The following SBF2 variants were observed in gnomAD, a reference collection of about 807,000 sequenced individuals.
SBF2 encodes SET binding factor 2.
Under a neutral mutation model 225.2 loss-of-function variants are expected in SBF2, and 112 were observed. The observed-to-expected ratio is 0.50, with a 90% CI of 0.43 to 0.58. The LOEUF is 0.58. SBF2 is among the 20% of genes least tolerant of loss of function. The pLI is 0.00. For synonymous variants in SBF2, 763 were observed against 773.3 expected (o/e 0.99, Z 0.22); for missense variants, 1,996 against 2,206.2 (o/e 0.90, Z 1.91).
chr11:10,017,180 G>T (rs1275050137), intron 6 of SBF2, among the ~76,000 whole-genome samples: 1 of 152,052 alleles, frequency 6.6e-6, no homozygotes, highest in African/African-American at 2.4e-5. Context: ...AAATGTATTT[G>T]TTTCTTTTTT....
At position 9,989,510 on chromosome 11, in the gene SBF2, T is replaced by A; in HGVS notation, c.1382A>T (p.Gln461Leu). The A allele has an allele frequency of 6.3e-7, 1 of 1,586,480 alleles. No homozygotes were observed. Among genetic ancestry groups the A allele is most frequent in the Non-Finnish European group, 8.6e-7 (1 of 1,156,272 alleles). ...ATACTTACTTACATTTTTGAATAGT[T>A]GCTCAGCAAGTTCCCTGACATGCTT... ...MIKHVRELAE[Q>L]LFKNENPNPH... The change falls in exon 13 of 40, where the codon CAA becomes CTA. Residue 461 changes from glutamine to leucine, a missense_variant. Coordinates refer to ENST00000256190, the MANE Select transcript of SBF2 (RefSeq NM_030962.4).
intron 1 of SBF2, among the ~76,000 whole-genome samples, chr11:10,235,822 G>A (rs990911705): frequency 3.9e-5 from 6 of 152,062 alleles, no homozygotes; most frequent in Admixed American, 1.3e-4. Flanking sequence ...TTTTAAAAAT[G>A]TAGTCCAGGA....
chr11:9,924,134 T>C (rs551574880), intron 16 of SBF2, among the ~76,000 whole-genome samples: 157 of 152,356 alleles, frequency 1.0e-3, no homozygotes, highest in Non-Finnish European at 2.0e-3. Context: ...GAAATACAGA[T>C]GGTCCTAGAC....
At chr11:9,875,647 C>T (rs1859165651) in intron 17 of SBF2, among the ~76,000 whole-genome samples, 1 of 152,172 alleles carries the variant, frequency 6.6e-6, no homozygotes, top group Non-Finnish European at 1.5e-5. Context: ...GGGTGTGGAA[C>T]AAGGCAGGGT....
At chr11:10,096,965 C>T (rs1343966236) in intron 2 of SBF2, among the ~76,000 whole-genome samples, 1 of 152,126 alleles carries the variant, frequency 6.6e-6, no homozygotes, top group Non-Finnish European at 1.5e-5. Context: ...TTACACTATT[C>T]AGTCACTATG....
At chr11:10,162,739 T>C (rs1427008618) in intron 2 of SBF2, among the ~76,000 whole-genome samples, 3 of 152,098 alleles carry the variant, frequency 2.0e-5, no homozygotes, top group Non-Finnish European at 4.4e-5. Context: ...TGAACAGAAA[T>C]GGATATGCAT....
At chr11:10,064,856 T>C (rs1390282754) in intron 2 of SBF2, among the ~76,000 whole-genome samples, 1 of 152,160 alleles carries the variant, frequency 6.6e-6, no homozygotes, top group Non-Finnish European at 1.5e-5. Context: ...CCCCTCTCAA[T>C]AACAGATAGA....
chr11:10,074,573 C>G (rs1735401600), intron 2 of SBF2, among the ~76,000 whole-genome samples: 1 of 152,116 alleles, frequency 6.6e-6, no homozygotes. Context: ...ATATATTCAT[C>G]TTTTGCTTAT....
At chr11:10,161,317 T>TAATG (rs145624130) in intron 2 of SBF2, among the ~76,000 whole-genome samples, 11,498 of 152,056 alleles carry the variant, frequency 0.076, 614 homozygotes, top group East Asian at 0.29. Flanking sequence ...ACTCTACTCC[T>TAATG]AATAGGGTAT....
At chr11:10,229,467 C>T (rs1958731028) in intron 1 of SBF2, among the ~76,000 whole-genome samples, 1 of 152,158 alleles carries the variant, frequency 6.6e-6, no homozygotes, top group Admixed American at 6.5e-5. Flanking sequence ...ATAACTTTCC[C>T]TCTACACACT....
intron 1 of SBF2, among the ~76,000 whole-genome samples, chr11:10,286,193 C>CAT (rs1963771573): frequency 6.7e-6 from 1 of 149,828 alleles, no homozygotes; most frequent in African/African-American, 2.4e-5. Flanking sequence ...CACACACACA[C>CAT]ACGGTAACTA....
intron 17 of SBF2, among the ~76,000 whole-genome samples, chr11:9,861,750 C>T (rs1383830001): frequency 1.3e-5 from 2 of 152,060 alleles, no homozygotes; most frequent in African/African-American, 4.8e-5. Flanking sequence ...TCAAGCAATC[C>T]CCCCACCTCG....
intron 2 of SBF2, among the ~76,000 whole-genome samples, chr11:10,136,226 C>T (rs77141468): frequency 0.076 from 11,555 of 152,154 alleles, 633 homozygotes; most frequent in East Asian, 0.28. Context: ...CAAGGTCCCC[C>T]CCAACAACAC....
intron 6 of SBF2, among the ~76,000 whole-genome samples, chr11:10,017,481 C>T (rs545381839): frequency 6.6e-6 from 1 of 152,288 alleles, no homozygotes; most frequent in Admixed American, 6.5e-5. Context: ...ATACTCCAGA[C>T]ACTAGAATAT....
intron 1 of SBF2, among the ~76,000 whole-genome samples, chr11:10,229,037 G>C (rs531998471): frequency 6.6e-6 from 1 of 152,006 alleles, no homozygotes; most frequent in Admixed American, 6.6e-5. Context: ...CTTCTTCCTG[G>C]TTTAGTCTTG....
At chr11:10,098,928 T>C (rs1288714747) in intron 2 of SBF2, among the ~76,000 whole-genome samples, 1 of 150,748 alleles carries the variant, frequency 6.6e-6, no homozygotes, top group Non-Finnish European at 1.5e-5. Context: ...AACCAAAATA[T>C]GCATGATAGA....
At chr11:9,837,008 A>T (rs1855769600) in intron 26 of SBF2, among the ~76,000 whole-genome samples, 1 of 152,172 alleles carries the variant, frequency 6.6e-6, no homozygotes, top group Non-Finnish European at 1.5e-5. Context: ...CAGATTTTCT[A>T]CATGTGCATT....
At chr11:9,929,782 C>T (rs771501262) in intron 16 of SBF2, among the ~76,000 whole-genome samples, 1 of 152,176 alleles carries the variant, frequency 6.6e-6, no homozygotes, top group Non-Finnish European at 1.5e-5. Flanking sequence ...GAAAATGCTT[C>T]CACAACCAGC....
At chr11:9,963,394 C>G (rs10770078) in intron 15 of SBF2, among the ~76,000 whole-genome samples, 41,322 of 151,836 alleles carry the variant, frequency 0.27, 5,922 homozygotes, top group Admixed American at 0.36. Context: ...GAACTTGGGA[C>G]GTAGAGGCTG....
Sources: gnomAD v4.1 joint callset for allele counts (sites outside exome capture counted in the v4.1 genomes callset) on GRCh38, gnomAD v4.1.1 for gene constraint, MANE v1.5 for transcripts, NCBI Gene and HGNC (gene_info 2026-07-23, HGNC 2026-07-21) for gene names.